FAM114A2: variants seen among roughly 807,000 people sequenced by gnomAD.
The protein encoded by FAM114A2 is protein FAM114A2.
FAM114A2 carries 53 observed loss-of-function variants against 58.4 expected under a neutral mutation model. The ratio of observed to expected loss-of-function variants is 0.91; its 90% confidence interval spans 0.73 to 1.14. The LOEUF (loss-of-function observed/expected upper bound fraction) is 1.14. FAM114A2 is among the 50% of genes most tolerant of loss of function. The pLI, the probability that FAM114A2 is intolerant of heterozygous loss-of-function variation, is 0.00. For synonymous variants in FAM114A2, 228 were observed against 211.4 expected, an observed-to-expected ratio of 1.08 and a Z score of -0.68; for missense variants, 601 against 581.1, an observed-to-expected ratio of 1.03 and a Z score of -0.35.
intron 8 of FAM114A2, among the ~76,000 whole-genome samples, chr5:154,016,713 T>C (rs1286389126): frequency 1.4e-5 from 2 of 147,190 alleles, no homozygotes; most frequent in Non-Finnish European, 3.0e-5. Context: ...AAAACAAAAA[T>C]ACAATTAAAA....
At chr5:154,003,112 C>T in intron 9 of FAM114A2, 143 bp from the exon 10 acceptor site, 1 of 654,984 alleles carries the variant, frequency 1.5e-6, no homozygotes, top group Non-Finnish European at 2.7e-6. Context: ...AGTCCTTATC[C>T]TACTAGTCTC....
chr5:153,993,245 T>C (rs996391034), intron 13 of FAM114A2, 135 bp from the exon 14 acceptor site: 1 of 616,424 alleles, frequency 1.6e-6, no homozygotes, highest in Non-Finnish European at 2.6e-6. Context: ...GAGCAGTGAC[T>C]TGGCCATTTT....
At position 154,026,829 on chromosome 5, in the gene FAM114A2, C is replaced by A. The variant is rs10044443; in HGVS notation, c.790-307G>T. Among the ~76,000 whole-genome samples the A allele has an allele frequency of 0.61, 91,569 of 148,922 alleles. 28,524 individuals carry two copies. The highest frequency in any genetic ancestry group is 0.88 in the East Asian group (4,428 of 5,054). ...TTAAAAGCTAACAGGTAACTGTACA[C>A]AAATTGGCAGCTCAAGTCAACAGGT... On this transcript the variant is annotated intron_variant, in intron 7 of 13. Transcript: ENST00000351797.
At position 154,035,607 on chromosome 5, in the gene FAM114A2, T is replaced by C. The variant is rs1772502184; in HGVS notation, c.-14-640A>G. On this transcript the variant is annotated intron_variant, in intron 1 of 13. Coordinates refer to ENST00000351797, the MANE Select transcript of FAM114A2 (RefSeq NM_018691.4). ...TATCCATCGAAGGATATCTGTATTGTTTCCAGTTTGGGACTATTATAAATA... is the reference window on the plus strand; with the variant it reads ...TATCCATCGAAGGATATCTGTATTGCTTCCAGTTTGGGACTATTATAAATA... 2.6e-5 allele frequency among the ~76,000 whole-genome samples: 4 copies of C among 152,224 alleles called. No homozygotes were observed. In the South Asian group the frequency reaches 6.2e-4, roughly 24 times the overall value.
chr5:154,027,351 G>A lies in FAM114A2; in HGVS notation c.631-17C>T. 2 of 1,600,882 alleles carry A rather than the reference G, an allele frequency of 1.2e-6. No individual in the cohort carries two copies. Among genetic ancestry groups the A allele is most frequent in the Non-Finnish European group, 1.7e-6 (2 of 1,174,754 alleles). On this transcript the variant is annotated splice_polypyrimidine_tract_variant and intron_variant, in intron 6 of 13. Transcript: ENST00000351797. ...TCGTAAAACCTAAAAAGAGATGGAG[G>A]CATTACACTGTAGCAAACAATGAGA...
chr5:154,014,665 C>T (rs1272305266), intron 8 of FAM114A2, among the ~76,000 whole-genome samples: 2 of 152,094 alleles, frequency 1.3e-5, no homozygotes, highest in African/African-American at 4.8e-5. Flanking sequence ...CTCGCTGGGT[C>T]CCCTAGCAAG....
At position 153,991,810 on chromosome 5, in the gene FAM114A2, G is replaced by A. The variant is rs2113132186; in HGVS notation, c.*1166C>T. 1 of 151,640 alleles carries A rather than the reference G, an allele frequency of 6.6e-6. No homozygotes were observed. The highest frequency in any genetic ancestry group is 1.5e-5 in the Non-Finnish European group (1 of 67,916). 9.4% of individuals were successfully genotyped at this position (151,640 alleles called of 1,614,324 possible). ...ATTACAAAGGTTTTAGAAGATGAGG[G>A]GCAGAGCTAACAAATTACCTTAATC... On this transcript the variant is annotated 3_prime_UTR_variant, in exon 14 of 14. Transcript: ENST00000351797.
intron 8 of FAM114A2, among the ~76,000 whole-genome samples, chr5:154,024,817 C>T (rs1308754724): frequency 6.6e-6 from 1 of 152,056 alleles, no homozygotes; most frequent in Non-Finnish European, 1.5e-5. Context: ...TTTCCAAATG[C>T]TGACACATTT....
chr5:153,995,053 C>A (rs1050727392), intron 12 of FAM114A2, 81 bp from the exon 13 acceptor site: 1 of 833,514 alleles, frequency 1.2e-6, no homozygotes, highest in South Asian at 1.4e-5. Context: ...TTAAAACACA[C>A]ACACACACCC....
chr5:154,014,309 G>A (rs577580346), intron 8 of FAM114A2, among the ~76,000 whole-genome samples: 3 of 152,350 alleles, frequency 2.0e-5, no homozygotes, highest in Admixed American at 2.0e-4. Flanking sequence ...GGCAGGAAGA[G>A]ATTTCAGGTC....
intron 8 of FAM114A2, among the ~76,000 whole-genome samples, chr5:154,024,116 C>T (rs1771622478): frequency 2.6e-5 from 4 of 152,014 alleles, no homozygotes; most frequent in Admixed American, 2.6e-4. Flanking sequence ...GATAAATGAA[C>T]AGAAAGAAAT....
chr5:154,002,533 GAT>G (rs1257815463), intron 10 of FAM114A2, 143 bp from the exon 11 acceptor site: 17 of 944,828 alleles, frequency 1.8e-5, no homozygotes, highest in Non-Finnish European at 2.7e-5. Flanking sequence ...CCACAGTAGT[GAT>G]ATAATTTTAC....
In FAM114A2 at chr5:154,024,879, T is replaced by C. The variant is rs181807047; in HGVS notation, c.913+1520A>G. Among the ~76,000 whole-genome samples the C allele has an allele frequency of 8.0e-4, 122 of 152,260 alleles. 2 individuals carry two copies. Among genetic ancestry groups the C allele is most frequent in the Non-Finnish European group, 3.2e-4 (22 of 68,010 alleles). On this transcript the variant is annotated intron_variant, in intron 8 of 13. Coordinates refer to ENST00000351797, the MANE Select transcript of FAM114A2 (RefSeq NM_018691.4). The stretch of plus-strand genomic sequence containing the variant: ...TTTTAACAAATATGATCACCACCAA[T>C]TTCATAAGAAGAGTCTATAAGCACT...
In FAM114A2 at chr5:154,003,066, C is replaced by T. The variant is rs1581773621; in HGVS notation, c.994-97G>A. 8.2e-6 allele frequency: 9 copies of T among 1,096,174 alleles called. No individual in the cohort carries two copies. In the East Asian group the frequency reaches 1.2e-4, roughly 14 times the overall value. 67.9% of individuals were successfully genotyped at this position (1,096,174 alleles called of 1,614,324 possible). A position where few individuals can be genotyped will look rare whatever the true frequency, so the allele number is the denominator to read the frequency against. On this transcript the variant is annotated intron_variant, in intron 9 of 13. Coordinates refer to ENST00000351797, the MANE Select transcript of FAM114A2 (RefSeq NM_018691.4). The stretch of plus-strand genomic sequence containing the variant: ...CACAATAGCATCCTAGAAGTAAGGG[C>T]TCCTGTTCTTACCTGAACGTACCAT...
At position 154,034,822 on chromosome 5, in the gene FAM114A2, T is replaced by A. The variant is rs538453867; in HGVS notation, c.132A>T (p.Glu44Asp). 2.7e-5 allele frequency: 44 copies of A among 1,614,038 alleles called. No individual in the cohort carries two copies. Among genetic ancestry groups the A allele is most frequent in the Non-Finnish European group, 3.7e-5 (44 of 1,179,914 alleles). Residue 44 changes from glutamate (E) to aspartate (D), a missense_variant, in exon 2 of 14, where the codon GAA becomes GAT. By Grantham distance (45) the Glu-to-Asp change is conservative. Coordinates refer to ENST00000351797, the MANE Select transcript of FAM114A2 (RefSeq NM_018691.4). Reference protein sequence around the residue: ...DQGAKPESKSEPVVSTRKRPE... With the variant: ...DQGAKPESKSDPVVSTRKRPE... ...GTCTTTTCCGAGTGGAAACTACAGG[T>A]TCTGATTTACTCTCTGGTTTGGCAC...
In FAM114A2 at chr5:154,002,829, C is replaced by T. The variant is rs747135897; in HGVS notation, c.1116+18G>A. The T allele has an allele frequency of 3.7e-6, 6 of 1,613,684 alleles. No individual in the cohort carries two copies. The highest frequency in any genetic ancestry group is 2.2e-5 in the East Asian group (1 of 44,878). ...AATCTACTAAAACAAACAAAAAAGG[C>T]TTAGTTGCTTTGGCTACCTCTATTG... is the stretch of plus-strand genomic sequence containing the variant. On this transcript the variant is annotated intron_variant, in intron 10 of 13. Transcript: ENST00000351797.
intron 9 of FAM114A2, among the ~76,000 whole-genome samples, chr5:154,004,371 G>C (rs1412745750): frequency 1.3e-5 from 2 of 151,844 alleles, no homozygotes; most frequent in African/African-American, 4.8e-5. Context: ...CTCTTTACTC[G>C]TCTCATCCTA....
chr5:154,024,393 T>C (rs1285857994), intron 8 of FAM114A2, among the ~76,000 whole-genome samples: 2 of 152,168 alleles, frequency 1.3e-5, no homozygotes, highest in Non-Finnish European at 2.9e-5. Flanking sequence ...ACCTACTTTT[T>C]ATTTTAAAAA....
intron 11 of FAM114A2, among the ~76,000 whole-genome samples, chr5:154,001,957 G>T (rs1360078187): frequency 2.0e-5 from 3 of 152,178 alleles, no homozygotes; most frequent in Middle Eastern, 3.4e-3. Flanking sequence ...TAAGAACTGA[G>T]GTTCTTAGAA....
Sources: allele counts gnomAD v4.1 joint callset (sites outside exome capture counted in the v4.1 genomes callset), GRCh38; gene constraint gnomAD v4.1.1; transcripts MANE v1.5; gene names NCBI Gene and HGNC (gene_info 2026-07-23, HGNC 2026-07-21).